FAT4: variants seen among roughly 807,000 people sequenced by gnomAD.
The protein encoded by FAT4 is protocadherin Fat 4.
In FAT4, 84 loss-of-function variants were observed where a neutral mutation model predicts 303.9. The ratio of observed to expected loss-of-function variants is 0.28; its 90% CI spans 0.23 to 0.33. FAT4 has a LOEUF of 0.33. FAT4 is among the 10% of genes least tolerant of loss of function. The pLI is 1.00. For synonymous variants in FAT4, 2,307 were observed against 2,298.8 expected (o/e 1.00, Z -0.10); for missense variants, 6,005 against 6,146.8 (o/e 0.98, Z 0.77).
intron 7 of FAT4, among the ~76,000 whole-genome samples, chr4:125,428,665 T>C (rs543648620): frequency 3.3e-5 from 5 of 152,354 alleles, no homozygotes; most frequent in Admixed American, 2.6e-4. Context: ...TTTATGTTTA[T>C]ATGAATACAT....
chr4:125,427,851 C>T (rs1725137124), intron 7 of FAT4, among the ~76,000 whole-genome samples: 1 of 152,132 alleles, frequency 6.6e-6, no homozygotes. Context: ...TTTTATGTTT[C>T]AGAGAAGTAT....
intron 2 of FAT4, among the ~76,000 whole-genome samples, chr4:125,392,203 T>C (rs1489762201): frequency 6.6e-6 from 1 of 152,176 alleles, no homozygotes; most frequent in Non-Finnish European, 1.5e-5. Flanking sequence ...GGCATTATCT[T>C]AATATCTTTA....
intron 16 of FAT4, among the ~76,000 whole-genome samples, chr4:125,483,849 A>G (rs1394417186): frequency 2.6e-5 from 4 of 151,820 alleles, no homozygotes; most frequent in Non-Finnish European, 5.9e-5. Context: ...TGATAGGAGT[A>G]TCAAGTGCTT....
At chr4:125,335,290 T>C (rs928706792) in intron 2 of FAT4, among the ~76,000 whole-genome samples, 1 of 152,156 alleles carries the variant, frequency 6.6e-6, no homozygotes, top group African/African-American at 2.4e-5. Context: ...AGAGAAAATA[T>C]ACTAATAGAA....
At chr4:125,484,254 T>G (rs1044401059) in intron 16 of FAT4, among the ~76,000 whole-genome samples, 1 of 151,872 alleles carries the variant, frequency 6.6e-6, no homozygotes, top group African/African-American at 2.4e-5. Context: ...TTGGGTCTAT[T>G]CAGAAAAAGA....
Position 125,479,792 on chromosome 4 carries a change from C to T in FAT4, c.12531C>T (p.Gly4177=). 6.2e-7 allele frequency: 1 copy of T among 1,605,088 alleles called. No homozygotes were observed. Residue 4177 remains glycine, a synonymous_variant, in exon 15 of 18, where the codon GGC becomes GGT. Coordinates refer to ENST00000394329, the MANE Select transcript of FAT4 (RefSeq NM_001291303.3). ...ACTRSPCQHG[G]TCMDYWSWQQ... ...CTCGCAGCCCATGCCAACATGGTGG[C>T]ACATGTATGGATTACTGGTCATGGC...
chr4:125,455,599 A>G (rs2126064965), intron 10 of FAT4, among the ~76,000 whole-genome samples: 1 of 152,330 alleles, frequency 6.6e-6, no homozygotes, highest in East Asian at 1.9e-4. Context: ...AGATTAGACA[A>G]CTTGCCTCCA....
At chr4:125,350,360 T>C (rs1296690448) in intron 2 of FAT4, among the ~76,000 whole-genome samples, 1 of 151,804 alleles carries the variant, frequency 6.6e-6, no homozygotes. Flanking sequence ...CAATGTGCTG[T>C]CATTTCATCT....
intron 5 of FAT4, among the ~76,000 whole-genome samples, chr4:125,412,083 A>G (rs1339416114): frequency 6.6e-6 from 1 of 151,824 alleles, no homozygotes; most frequent in South Asian, 2.1e-4. Context: ...TAATTTTACA[A>G]TAATGTGTTT....
chr4:125,334,576 A>G (rs1456250229), intron 2 of FAT4, among the ~76,000 whole-genome samples: 1 of 152,180 alleles, frequency 6.6e-6, no homozygotes, highest in Non-Finnish European at 1.5e-5. Context: ...GTTAATTTCA[A>G]ATTTTTTAAC....
At chr4:125,427,219 TATC>T (rs1292243206) in intron 7 of FAT4, among the ~76,000 whole-genome samples, 5 of 151,782 alleles carry the variant, frequency 3.3e-5, no homozygotes, top group Admixed American at 6.6e-5. Flanking sequence ...AAGATGTACT[TATC>T]ATTACATTTC....
rs183724672 is a variant in FAT4, at chr4:125,379,957, G to A, written c.5176-18827G>A. Reference sequence around the variant, plus strand: ...TGCCCAGGCTGGAGTGCAGTGGCGCGATCTGGGCTCACCGCAACCTCCACC... The same window carrying A: ...TGCCCAGGCTGGAGTGCAGTGGCGCAATCTGGGCTCACCGCAACCTCCACC... On this transcript the variant is annotated intron_variant, in intron 2 of 17. Transcript: ENST00000394329. Among the ~76,000 whole-genome samples, 414 of 152,058 alleles carry A rather than the reference G, an allele frequency of 2.7e-3. 1 individual carries two copies. Among genetic ancestry groups the A allele is most frequent in the Middle Eastern group, 0.017 (5 of 294 alleles).
At position 125,471,895 on chromosome 4, in the gene FAT4, C is replaced by CAAAAAAAAAAAAA. The variant is rs60730341; in HGVS notation, c.12213+3096_12213+3108dup. Among the ~76,000 whole-genome samples, 107 of 56,120 alleles carry CAAAAAAAAAAAAA rather than the reference C, an allele frequency of 1.9e-3. 4 individuals carry two copies. The highest frequency in any genetic ancestry group is 2.6e-3 in the African/African-American group (35 of 13,698). The allele number at this position is 56,120 out of a possible 152,430, so 36.8% of individuals were successfully genotyped here. On this transcript the variant is annotated intron_variant, in intron 12 of 17. Transcript: ENST00000394329. The stretch of plus-strand genomic sequence containing the variant: ...TGAAACCCTGTCTCTACTAAAAATA[C>CAAAAAAAAAAAAA]AAAAAAAAAAAAAAAAAAAAAAAAA...
chr4:125,377,346 A>G (rs1377691432), intron 2 of FAT4, among the ~76,000 whole-genome samples: 1 of 152,118 alleles, frequency 6.6e-6, no homozygotes, highest in African/African-American at 2.4e-5. Context: ...AAAAACAAAA[A>G]GCTATTCACT....
In FAT4 at chr4:125,318,022, T is replaced by C. The variant is rs763935169; in HGVS notation, c.1611T>C (p.Ser537=). The change falls in exon 2 of 18, where the codon TCT becomes TCC. Residue 537 remains serine, a synonymous_variant. Coordinates refer to ENST00000394329, the MANE Select transcript of FAT4 (RefSeq NM_001291303.3). ...GCGGCCTCGTGACCACTGGGTCCTC[T>C]GGGGGCCTGGACCGTGAACTTGCTT... ...EHSGLVTTGS[S]GGLDRELASQ... The C allele has an allele frequency of 6.2e-7, 1 of 1,614,180 alleles. No individual in the cohort carries two copies. Among genetic ancestry groups the C allele is most frequent in the Admixed American group, 1.7e-5 (1 of 60,022 alleles).
At chr4:125,488,727 G>C (rs1236844786) in intron 17 of FAT4, among the ~76,000 whole-genome samples, 3 of 152,140 alleles carry the variant, frequency 2.0e-5, no homozygotes, top group African/African-American at 7.2e-5. Flanking sequence ...AAATCCTTTG[G>C]ATGGATGGGC....
chr4:125,452,295 C>T lies in FAT4; in HGVS notation c.11285C>T (p.Thr3762Met), dbSNP rs1448470488. The T allele has an allele frequency of 6.8e-6, 11 of 1,614,222 alleles. No individual in the cohort carries two copies. The highest frequency in any genetic ancestry group is 4.4e-5 in the South Asian group (4 of 91,084). Residue 3762 changes from threonine (T) to methionine (M), a missense_variant, in exon 10 of 18, where the codon ACG (threonine) becomes ATG (methionine). By Grantham distance (81) the Thr-to-Met change is moderately conservative. Transcript: ENST00000394329. ...AGTGCATATGAAGAGAACAATAGAA[C>T]GTTTCTTTTGGCAGCTGTGAAGCGA... ...LYSAYEENNR[T>M]FLLAAVKRNH...
intron 2 of FAT4, among the ~76,000 whole-genome samples, chr4:125,353,959 A>C (rs2125980343): frequency 6.6e-6 from 1 of 151,858 alleles, no homozygotes; most frequent in South Asian, 2.1e-4. Context: ...TTGTGTTTTA[A>C]TCGCATGAGT....
intron 3 of FAT4, among the ~76,000 whole-genome samples, chr4:125,400,951 G>A (rs1426115768): frequency 6.6e-6 from 1 of 151,940 alleles, no homozygotes; most frequent in Admixed American, 6.6e-5. Context: ...TATGTATGAG[G>A]TGTGACTGTG....
Sources: allele counts gnomAD v4.1 joint callset (sites outside exome capture counted in the v4.1 genomes callset), GRCh38; gene constraint gnomAD v4.1.1; transcripts MANE v1.5; gene names NCBI Gene and HGNC (gene_info 2026-07-23, HGNC 2026-07-21).